Variants in MAGI2 observed in about 807,000 individuals in gnomAD.
MAGI2 encodes the protein membrane-associated guanylate kinase, WW and PDZ domain-containing protein 2.
In MAGI2, 35 loss-of-function variants were observed where a neutral mutation model predicts 133.3. The ratio of observed to expected loss-of-function variants is 0.26; its 90% CI spans 0.20 to 0.35. The LOEUF (loss-of-function observed/expected upper bound fraction) is 0.35, where lower values mean the gene tolerates loss of function less well. Among genes scored for constraint, MAGI2 ranks in the 10% least tolerant of loss-of-function variants. MAGI2 has a pLI of 1.00. For missense variants in MAGI2, 1,636 were observed against 1,863.4 expected (o/e 0.88, Z 2.25); for synonymous variants, 729 against 710.6 (o/e 1.03, Z -0.41).
chr7:78,674,236 T>TC (rs1814736147), intron 2 of MAGI2, among the ~76,000 whole-genome samples: 1 of 149,580 alleles, frequency 6.7e-6, no homozygotes, highest in Non-Finnish European at 1.5e-5. Flanking sequence ...GCAAAGCATT[T>TC]TTTTTTTTTT....
intron 1 of MAGI2, among the ~76,000 whole-genome samples, chr7:79,301,830 G>A (rs1837418770): frequency 6.6e-6 from 1 of 152,170 alleles, no homozygotes; most frequent in Non-Finnish European, 1.5e-5. Context: ...TTGGATAATG[G>A]GAGTGAACCC....
chr7:78,753,158 G>A (rs1207875), intron 2 of MAGI2, among the ~76,000 whole-genome samples: 42,293 of 152,026 alleles, frequency 0.28, 6,286 homozygotes, highest in South Asian at 0.47. Context: ...ATGACCACAA[G>A]ATGACCAGTA....
intron 21 of MAGI2, among the ~76,000 whole-genome samples, chr7:78,044,280 C>A (rs1811165776): frequency 6.6e-6 from 1 of 152,140 alleles, no homozygotes; most frequent in African/African-American, 2.4e-5. Flanking sequence ...CTAATAGAGG[C>A]ATGTGTGTAT....
chr7:79,365,867 C>CAAAAAAAAAGAAA (rs1842670078), intron 1 of MAGI2, among the ~76,000 whole-genome samples: 2 of 48,860 alleles, frequency 4.1e-5, no homozygotes, highest in African/African-American at 1.5e-4. Flanking sequence ...ACTCTTGTCT[C>CAAAAAAAAAGAAA]AAAAAAAAAA....
At chr7:78,556,228 G>A (rs1799810674) in intron 3 of MAGI2, among the ~76,000 whole-genome samples, 1 of 152,166 alleles carries the variant, frequency 6.6e-6, no homozygotes, top group African/African-American at 2.4e-5. Context: ...GAGATTGAAT[G>A]ACTTACAGGG....
chr7:79,146,924 T>C (rs1432022709), intron 1 of MAGI2, among the ~76,000 whole-genome samples: 3 of 152,242 alleles, frequency 2.0e-5, no homozygotes, highest in Non-Finnish European at 4.4e-5. Flanking sequence ...CCTAATAGAC[T>C]GTGCTTTATT....
At chr7:78,917,246 G>A (rs975499812) in intron 2 of MAGI2, among the ~76,000 whole-genome samples, 1 of 152,022 alleles carries the variant, frequency 6.6e-6, no homozygotes, top group African/African-American at 2.4e-5. Context: ...AGGAAGTAGA[G>A]TAAGAGGAGT....
At chr7:78,633,618 A>C (rs2150970411) in intron 2 of MAGI2, among the ~76,000 whole-genome samples, 1 of 150,124 alleles carries the variant, frequency 6.7e-6, no homozygotes, top group South Asian at 2.1e-4. Flanking sequence ...AGGCAGGAGA[A>C]TGGCGTGAAC....
intron 1 of MAGI2, among the ~76,000 whole-genome samples, chr7:79,166,449 T>C (rs950056160): frequency 6.6e-6 from 1 of 152,032 alleles, no homozygotes; most frequent in Non-Finnish European, 1.5e-5. Context: ...TCAAATGAGA[T>C]AGAAACCTTC....
intron 9 of MAGI2, among the ~76,000 whole-genome samples, chr7:78,304,510 C>A (rs1278692612): frequency 6.6e-6 from 1 of 152,176 alleles, no homozygotes; most frequent in Non-Finnish European, 1.5e-5. Flanking sequence ...TCACCTTAAC[C>A]CTACTTTCAT....
chr7:79,025,823 C>T (rs1809830014), intron 1 of MAGI2, among the ~76,000 whole-genome samples: 1 of 152,244 alleles, frequency 6.6e-6, no homozygotes, highest in Non-Finnish European at 1.5e-5. Context: ...GCAGAAAGAC[C>T]TACAAGTATT....
chr7:78,696,435 A>G (rs969309733), intron 2 of MAGI2, among the ~76,000 whole-genome samples: 1 of 152,232 alleles, frequency 6.6e-6, no homozygotes, highest in African/African-American at 2.4e-5. Context: ...AACAAGGAGT[A>G]CATTAATCCC....
chr7:79,376,097 C>T (rs1265114553), intron 1 of MAGI2, among the ~76,000 whole-genome samples: 1 of 151,756 alleles, frequency 6.6e-6, no homozygotes, highest in African/African-American at 2.4e-5. Context: ...GAGCAACCTA[C>T]CCGTGAATTA....
At chr7:79,243,480 A>G (rs1832575424) in intron 1 of MAGI2, among the ~76,000 whole-genome samples, 1 of 152,226 alleles carries the variant, frequency 6.6e-6, no homozygotes, top group Non-Finnish European at 1.5e-5. Context: ...CAAACCTGAG[A>G]AAAATGGGAT....
chr7:79,406,353 C>A (rs56191332), intron 1 of MAGI2, among the ~76,000 whole-genome samples: 18,503 of 152,038 alleles, frequency 0.12, 1,435 homozygotes, highest in East Asian at 0.29. Context: ...TTATTTCAAT[C>A]ATAAATGTAA....
At chr7:79,202,170 A>G (rs1393892165) in intron 1 of MAGI2, among the ~76,000 whole-genome samples, 4 of 152,036 alleles carry the variant, frequency 2.6e-5, no homozygotes, top group Non-Finnish European at 4.4e-5. Context: ...TGGTCATTAT[A>G]TATAATGATA....
chr7:78,027,853 T>C (rs1809111349), intron 21 of MAGI2, among the ~76,000 whole-genome samples: 2 of 152,206 alleles, frequency 1.3e-5, no homozygotes. Context: ...AGAATTATTC[T>C]GTAAAAATAT....
At chr7:79,073,374 C>T (rs6956304) in intron 1 of MAGI2, among the ~76,000 whole-genome samples, 15,666 of 152,110 alleles carry the variant, frequency 0.1, 2,244 homozygotes, top group African/African-American at 0.32. Flanking sequence ...AGTGACCATA[C>T]GTTCTGTTTT....
chr7:78,494,506 G>T (rs1367843778), intron 5 of MAGI2, among the ~76,000 whole-genome samples: 1 of 152,034 alleles, frequency 6.6e-6, no homozygotes, highest in Admixed American at 6.6e-5. Context: ...TCTAGTGTTT[G>T]CCCAGTCAGG....
Sources: allele counts gnomAD v4.1 joint callset (sites outside exome capture counted in the v4.1 genomes callset), GRCh38; gene constraint gnomAD v4.1.1; transcripts MANE v1.5; gene names NCBI Gene and HGNC (gene_info 2026-07-23, HGNC 2026-07-21).